Variants in CKMT2 observed in about 807,000 individuals in gnomAD.
CKMT2 encodes the protein creatine kinase S-type, mitochondrial.
In CKMT2, 43 loss-of-function variants were observed where a neutral mutation model predicts 48.9. The ratio of observed to expected loss-of-function variants is 0.88; its 90% CI spans 0.69 to 1.13. The LOEUF (loss-of-function observed/expected upper bound fraction) is 1.13, where lower values mean the gene tolerates loss of function less well. CKMT2 is among the 50% of genes most tolerant of loss of function. The pLI, the probability that CKMT2 is intolerant of heterozygous loss-of-function variation, is 0.00. For synonymous variants in CKMT2, 206 were observed against 213.0 expected (o/e 0.97, Z 0.29); for missense variants, 472 against 555.4 (o/e 0.85, Z 1.51).
chr5:81,259,306 A>T, intron 8 of CKMT2, 52 bp downstream of exon 8: 1 of 1,544,642 alleles, frequency 6.5e-7, no homozygotes, highest in Non-Finnish European at 8.8e-7. Context: ...CTCAGATGCG[A>T]CTGCTTTGTG....
rs768604792 is a variant in CKMT2 at position 81,251,096 on chromosome 5, GCTT to G, written c.-20-13_-20-11del. ...TCATCCTATGAAGCTATCTAATCCAGCTTCTTTGCTTTCCAGACACTCATCCAA... is the reference window on the plus strand; with the variant it reads ...TCATCCTATGAAGCTATCTAATCCAGCTTTGCTTTCCAGACACTCATCCAA... On this transcript the variant is annotated splice_polypyrimidine_tract_variant and intron_variant, in intron 1 of 9. Transcript: ENST00000254035. 9.9e-6 allele frequency: 16 copies of G among 1,608,424 alleles called. No individual in the cohort carries two copies. In the South Asian group the frequency reaches 1.7e-4, roughly 17 times the overall value.
intron 2 of CKMT2, 44 bp from the exon 3 acceptor site, chr5:81,252,651 C>G: frequency 1.2e-6 from 2 of 1,603,976 alleles, no homozygotes; most frequent in Non-Finnish European, 1.7e-6. Context: ...TGGCCCCTTT[C>G]CTCGGGGGCT....
At position 81,256,173 on chromosome 5, in the gene CKMT2, CA is replaced by C. The variant is rs377273384; in HGVS notation, c.670-732del. 7.4e-4 allele frequency among the ~76,000 whole-genome samples: 108 copies of C among 146,154 alleles called. 1 individual carries two copies. The highest frequency in any genetic ancestry group is 6.7e-3 in the South Asian group (31 of 4,596). On this transcript the variant is annotated intron_variant, in intron 5 of 9. Transcript: ENST00000254035. ...GCAAGAAAGAGTAGTATACACATTG[CA>C]AAAAAAAAAGTCTTGACTTTAATTT...
chr5:81,234,017 TAATTAAAAA>T (rs1756180402), intron 1 of CKMT2, among the ~76,000 whole-genome samples: 1 of 105,780 alleles, frequency 9.5e-6, no homozygotes. Context: ...CACCGGAGGT[TAATTAAAAA>T]AAAAAAAAAA....
At chr5:81,246,616 C>G (rs999786191) in intron 1 of CKMT2, among the ~76,000 whole-genome samples, 2 of 152,138 alleles carry the variant, frequency 1.3e-5, no homozygotes, top group African/African-American at 4.8e-5. Flanking sequence ...TAGCACAGTG[C>G]CTAACAGTAG....
chr5:81,233,546 C>G (rs1756168573), intron 1 of CKMT2, among the ~76,000 whole-genome samples, 169 bp downstream of exon 1: 1 of 152,204 alleles, frequency 6.6e-6, no homozygotes, highest in Non-Finnish European at 1.5e-5. Context: ...AGCTCCCGCC[C>G]TTGGCCGAAG....
chr5:81,263,704 A>G (rs1757306797), intron 9 of CKMT2, 88 bp downstream of exon 9: 4 of 1,285,574 alleles, frequency 3.1e-6, no homozygotes, highest in Non-Finnish European at 3.2e-6. Context: ...CCGTTTTCAC[A>G]AAATTCGAGA....
intron 8 of CKMT2, among the ~76,000 whole-genome samples, 190 bp from the exon 9 acceptor site, chr5:81,263,301 T>C (rs943328993): frequency 6.6e-6 from 1 of 151,142 alleles, no homozygotes; most frequent in Non-Finnish European, 1.5e-5. Context: ...TCTGCACATG[T>C]ATCCCAGAAC....
chr5:81,260,524 A>T (rs1210370844), intron 8 of CKMT2, among the ~76,000 whole-genome samples: 1 of 152,254 alleles, frequency 6.6e-6, no homozygotes, highest in African/African-American at 2.4e-5. Context: ...AAAAAGTGAT[A>T]AAGGGGCTAT....
chr5:81,261,538 G>A (rs1370384742), intron 8 of CKMT2, among the ~76,000 whole-genome samples: 1 of 151,932 alleles, frequency 6.6e-6, no homozygotes, highest in East Asian at 1.9e-4. Flanking sequence ...AAAATCACAA[G>A]CATTCCTATA....
intron 1 of CKMT2, chr5:81,244,211 G>C: frequency 6.1e-6 from 6 of 984,300 alleles, no homozygotes; most frequent in Non-Finnish European, 7.2e-6. Context: ...GTGAGGTAAA[G>C]TTCCTTACTG....
rs1353169052 is a variant in CKMT2, at chr5:81,259,119, G to C, written c.880-1G>C. 1.9e-6 allele frequency: 3 copies of C among 1,612,018 alleles called. No individual in the cohort carries two copies. Among genetic ancestry groups the C allele is most frequent in the South Asian group, 2.2e-5 (2 of 90,614 alleles). On this transcript the variant is annotated splice_acceptor_variant, in intron 7 of 9. Transcript: ENST00000254035. LOFTEE classifies it high-confidence loss of function. ...TTTGTTCACTGTGGTTCTACTTGTAGGTAGAACGGTTAATCCAAGAACGAG... is the reference window on the plus strand; with the variant it reads ...TTTGTTCACTGTGGTTCTACTTGTACGTAGAACGGTTAATCCAAGAACGAG...
Position 81,252,714 on chromosome 5 carries a change from C to A in CKMT2, c.172C>A (p.Arg58Ser). 1 of 1,614,178 alleles carries A rather than the reference C, an allele frequency of 6.2e-7. No individual in the cohort carries two copies. The highest frequency in any genetic ancestry group is 8.5e-7 in the Non-Finnish European group (1 of 1,180,024). ...FPPSADYPDL[R>S]KHNNCMAECL... ...ACACAGCGCAGACTACCCAGACCTG[C>A]GCAAGCACAACAACTGCATGGCCGA... is the stretch of plus-strand genomic sequence containing the variant. Residue 58 changes from arginine to serine, a missense_variant, in exon 3 of 10, where the codon CGC (arginine) becomes AGC (serine). Physicochemically the swap from Arg to Ser is moderately radical, Grantham distance 110. Transcript: ENST00000254035.
Position 81,255,097 on chromosome 5 carries a change from G to T in CKMT2, c.552G>T (p.Glu184Asp), listed in dbSNP as rs144184195. 2 of 1,613,998 alleles carry T rather than the reference G, an allele frequency of 1.2e-6. No individual in the cohort carries two copies. Among genetic ancestry groups the T allele is most frequent in the African/African-American group, 2.7e-5 (2 of 74,944 alleles). ...LSLPPACTRA[E>D]RREVENVAIT... ...TGCCTCCAGCCTGCACCCGGGCCGA[G>T]CGAAGGGAGGTAGAGAACGTGGCCA... Residue 184 changes from glutamate (E) to aspartate (D), a missense_variant, in exon 5 of 10, where the codon GAG (glutamate) becomes GAT (aspartate). Transcript: ENST00000254035.
intron 1 of CKMT2, chr5:81,244,956 A>T (rs1177819783): frequency 2.6e-5 from 4 of 151,348 alleles, no homozygotes; most frequent in Non-Finnish European, 5.9e-5. Context: ...GGTTCAAGTA[A>T]TTCTCCTGCC....
chr5:81,247,244 G>C (rs1368704395), intron 1 of CKMT2, among the ~76,000 whole-genome samples: 3 of 152,210 alleles, frequency 2.0e-5, no homozygotes. Flanking sequence ...CAATGAGCCT[G>C]AGATTTCTTT....
chr5:81,246,601 T>C (rs892585979), intron 1 of CKMT2, among the ~76,000 whole-genome samples: 1 of 152,226 alleles, frequency 6.6e-6, no homozygotes, highest in African/African-American at 2.4e-5. Context: ...CATATCATTA[T>C]TGCCTAGCAC....
intron 1 of CKMT2, chr5:81,245,547 C>T (rs1395772969): frequency 6.6e-6 from 1 of 152,306 alleles, no homozygotes; most frequent in Admixed American, 6.5e-5. Flanking sequence ...AGAGCAGCTA[C>T]ATCTGAGGTC....
At position 81,241,519 on chromosome 5, in the gene CKMT2, G is replaced by A. The variant is rs193109846; in HGVS notation, c.-21+8142G>A. Among the ~76,000 whole-genome samples, 169 of 152,278 alleles carry A rather than the reference G, an allele frequency of 1.1e-3. 1 individual carries two copies. The highest frequency in any genetic ancestry group is 3.9e-3 in the African/African-American group (162 of 41,552). On this transcript the variant is annotated intron_variant, in intron 1 of 9. Coordinates refer to ENST00000254035, the MANE Select transcript of CKMT2 (RefSeq NM_001099735.2). ...TCCCACTGTCAGTGGGAGGGCAGTG[G>A]GTAGTAGTTTCATTTAAGCACCTGG... is the stretch of plus-strand genomic sequence containing the variant.
Sources: gnomAD v4.1 joint callset for allele counts (sites outside exome capture counted in the v4.1 genomes callset) on GRCh38, gnomAD v4.1.1 for gene constraint, MANE v1.5 for transcripts, NCBI Gene and HGNC (gene_info 2026-07-23, HGNC 2026-07-21) for gene names.